Variants in SYT7 observed in about 807,000 individuals in gnomAD.
The protein encoded by SYT7 is synaptotagmin 7.
In SYT7, 29 loss-of-function variants were observed where a neutral mutation model predicts 75.1. The observed-to-expected ratio is 0.39, with a 90% CI of 0.29 to 0.53. The LOEUF is 0.53. Among genes scored for constraint, SYT7 ranks in the 20% least tolerant of loss-of-function variants. The probability of loss-of-function intolerance (pLI) is 0.77; values close to 1 mark genes in which losing one functional copy is unlikely to be tolerated. For synonymous variants in SYT7, 376 were observed against 401.7 expected, an observed-to-expected ratio of 0.94 and a Z score of 0.76; for missense variants, 693 against 953.2, an observed-to-expected ratio of 0.73 and a Z score of 3.59.
intron 1 of SYT7, among the ~76,000 whole-genome samples, chr11:61,561,863 A>C (rs975671476): frequency 2.6e-5 from 4 of 152,124 alleles, no homozygotes; most frequent in Admixed American, 1.3e-4. Flanking sequence ...GGGGGTGCTC[A>C]GCAAATATTT....
intron 1 of SYT7, among the ~76,000 whole-genome samples, chr11:61,560,508 G>A (rs773224643): frequency 2.0e-5 from 3 of 152,072 alleles, no homozygotes; most frequent in African/African-American, 7.2e-5. Flanking sequence ...CAGTTGGTAC[G>A]GCCCCCACAG....
intron 6 of SYT7, 31 bp from the exon 7 acceptor site, chr11:61,538,297 G>A (rs2062928992): frequency 6.6e-7 from 1 of 1,518,730 alleles, no homozygotes; most frequent in African/African-American, 1.4e-5. Context: ...ACAGGCCAGG[G>A]TGAAACGAGG....
intron 8 of SYT7, among the ~76,000 whole-genome samples, chr11:61,530,335 T>C (rs977889593): frequency 6.6e-6 from 1 of 152,136 alleles, no homozygotes; most frequent in Admixed American, 6.5e-5. Flanking sequence ...CCTTGGCCGA[T>C]CCAGACAAAC....
intron 6 of SYT7, chr11:61,541,379 G>C (rs375801991): frequency 1.0e-4 from 93 of 889,668 alleles, no homozygotes; most frequent in Non-Finnish European, 1.2e-4. Flanking sequence ...CTCTGAGAGT[G>C]GGGGGCAGAT....
chr11:61,544,284 T>C (rs1011550782), intron 5 of SYT7, among the ~76,000 whole-genome samples: 4 of 151,976 alleles, frequency 2.6e-5, no homozygotes, highest in South Asian at 2.1e-4. Context: ...GACCTCAGCT[T>C]TGCTCACCCT....
At chr11:61,574,875 C>T (rs1036869385) in intron 1 of SYT7, among the ~76,000 whole-genome samples, 9 of 152,188 alleles carry the variant, frequency 5.9e-5, no homozygotes, top group Middle Eastern at 3.4e-3. Context: ...GCAGCTGCCG[C>T]GGCAGGGTTT....
chr11:61,552,964 T>C (rs1280297614), intron 2 of SYT7, among the ~76,000 whole-genome samples: 1 of 152,228 alleles, frequency 6.6e-6, no homozygotes, highest in Admixed American at 6.5e-5. Context: ...GAGGCAAGGC[T>C]GTGGGTTTCT....
chr11:61,547,777 G>T (rs1271503241), intron 3 of SYT7, among the ~76,000 whole-genome samples: 3 of 152,128 alleles, frequency 2.0e-5, no homozygotes, highest in Admixed American at 6.5e-5. Flanking sequence ...AACTTGCTGG[G>T]CCCTACCTCT....
chr11:61,541,391 T>C, intron 6 of SYT7: 10 of 533,272 alleles, frequency 1.9e-5, no homozygotes, highest in Non-Finnish European at 2.1e-5. Flanking sequence ...GGGGCAGATG[T>C]CCAGAGAGAT....
In SYT7 at chr11:61,516,987, C is replaced by G. The variant is rs1055765940; in HGVS notation, c.*1640G>C. 6.1e-5 allele frequency: 21 copies of G among 342,498 alleles called. No individual in the cohort carries two copies. Among genetic ancestry groups the G allele is most frequent in the Non-Finnish European group, 1.0e-4 (20 of 191,128 alleles). The allele number at this position is 342,498 out of a possible 1,614,324, so 21.2% of individuals were successfully genotyped here. On this transcript the variant is annotated 3_prime_UTR_variant, in exon 13 of 13. Coordinates refer to ENST00000539008, the MANE Select transcript of SYT7 (RefSeq NM_001365809.2). This position sits in a 1 kb window ranked among gnomAD's most constrained non-coding sequence, Gnocchi z 4.6. ...TTCCCAAATGCCAATGGTCTCCCCA[C>G]GCCCTGGATGTGGGGACCCTATCCA...
chr11:61,539,397 A>G (rs558596524), intron 6 of SYT7: 2 of 152,274 alleles, frequency 1.3e-5, no homozygotes, highest in African/African-American at 4.8e-5. Flanking sequence ...AGGGAGAATC[A>G]TTGGCGACCC....
At chr11:61,567,317 A>G (rs975714463) in intron 1 of SYT7, among the ~76,000 whole-genome samples, 1 of 151,116 alleles carries the variant, frequency 6.6e-6, no homozygotes, top group African/African-American at 2.5e-5. Flanking sequence ...CACGGCAAAT[A>G]TTAGGATGGA....
At chr11:61,525,431 C>G (rs2062484796) in intron 9 of SYT7, among the ~76,000 whole-genome samples, 1 of 152,070 alleles carries the variant, frequency 6.6e-6, no homozygotes. Context: ...GGCCTCCTTC[C>G]TGGCCCTTCA....
At chr11:61,550,581 C>T (rs2063319783) in intron 3 of SYT7, among the ~76,000 whole-genome samples, 1 of 152,160 alleles carries the variant, frequency 6.6e-6, no homozygotes, top group Non-Finnish European at 1.5e-5. Context: ...CCACCCCTAC[C>T]TTGACCTCTG....
chr11:61,581,291 C>A (rs1754219518), upstream of SYT7: 1 of 149,126 alleles, frequency 6.7e-6, no homozygotes, highest in Non-Finnish European at 1.5e-5. Flanking sequence ...CCCCGCGCCC[C>A]GCCCGCCTCG....
intron 3 of SYT7, 40 bp from the exon 4 acceptor site, chr11:61,547,348 C>G: frequency 6.5e-7 from 1 of 1,531,796 alleles, no homozygotes; most frequent in Non-Finnish European, 8.7e-7. Flanking sequence ...CAGGGAGATA[C>G]AAGAAGAAAC....
rs1035934686 is a variant in SYT7 at position 61,553,078 on chromosome 11, G to C, written c.136-1615C>G. On this transcript the variant is annotated intron_variant, in intron 2 of 12. Transcript: ENST00000539008. This position sits in a 1 kb window ranked among gnomAD's most constrained non-coding sequence, Gnocchi z 5.2. The stretch of plus-strand genomic sequence containing the variant: ...CCCTGGAGTCTGGGCCCCCAGCAGC[G>C]ACCTCTAAGTCAGAACTTTAAGAGT... 7.9e-5 allele frequency among the ~76,000 whole-genome samples: 12 copies of C among 152,172 alleles called. No homozygotes were observed. The highest frequency in any genetic ancestry group is 2.2e-4 in the African/African-American group (9 of 41,506).
chr11:61,524,416 G>C lies in SYT7; in HGVS notation c.1588C>G (p.Leu530Val). ...TTCCAGAAGGTCTGCATCTGGGTCAGGTCCACCTTGTTAAGGGGGATGGAC... is the reference window on the plus strand; with the variant it reads ...TTCCAGAAGGTCTGCATCTGGGTCACGTCCACCTTGTTAAGGGGGATGGAC... ...EVSIPLNKVDLTQMQTFWKDL... is the reference protein window; with the variant it reads ...EVSIPLNKVDVTQMQTFWKDL... Residue 530 changes from leucine to valine, a missense_variant, in exon 10 of 13, where the codon CTG (leucine) becomes GTG (valine). This residue lies in a region of SYT7 where 206 missense variants were observed against 360.0 expected (regional missense o/e 0.57). Coordinates refer to ENST00000539008, the MANE Select transcript of SYT7 (RefSeq NM_001365809.2). This position sits in a 1 kb window ranked among gnomAD's most constrained non-coding sequence, Gnocchi z 4.1. 1 of 1,614,114 alleles carries C rather than the reference G, an allele frequency of 6.2e-7. No individual in the cohort carries two copies. Among genetic ancestry groups the C allele is most frequent in the East Asian group, 2.2e-5 (1 of 44,884 alleles).
At chr11:61,582,859 G>GGCTGGGACT (rs758558317), upstream of SYT7, among the ~76,000 whole-genome samples, 500 of 152,274 alleles carry the variant, frequency 3.3e-3, 1 homozygote, top group Non-Finnish European at 5.3e-3. Context: ...TAAGCCAACA[G>GGCTGGGACT]GCTGGGACTG....
Sources: allele counts gnomAD v4.1 joint callset (sites outside exome capture counted in the v4.1 genomes callset), GRCh38; gene constraint gnomAD v4.1.1; regional missense constraint gnomAD v4.1.1; non-coding constraint Gnocchi (gnomAD v3.1); transcripts MANE v1.5; gene names NCBI Gene and HGNC (gene_info 2026-07-23, HGNC 2026-07-21).